ACACA: variants seen among roughly 807,000 people sequenced by gnomAD.
ACACA encodes the protein acetyl-CoA carboxylase alpha.
Under a neutral mutation model 296.1 loss-of-function variants are expected in ACACA, and 103 were observed. The ratio of observed to expected loss-of-function variants is 0.35; its 90% confidence interval spans 0.30 to 0.41. The LOEUF (loss-of-function observed/expected upper bound fraction) is 0.41. Among genes scored for constraint, ACACA ranks in the 10% least tolerant of loss-of-function variants. The pLI is 1.00. For synonymous variants in ACACA, 953 were observed against 1,038.6 expected (o/e 0.92, Z 1.58); for missense variants, 1,554 against 2,989.7 (o/e 0.52, Z 11.20).
intron 3 of ACACA, among the ~76,000 whole-genome samples, chr17:37,297,663 G>T (rs188455065): frequency 6.6e-6 from 1 of 151,652 alleles, no homozygotes; most frequent in Admixed American, 6.6e-5. Context: ...CAATTCTCCT[G>T]CCTTGGCCTC....
chr17:37,241,194 C>G (rs977576424), intron 23 of ACACA, among the ~76,000 whole-genome samples: 17 of 149,284 alleles, frequency 1.1e-4, no homozygotes, highest in African/African-American at 4.0e-4. Flanking sequence ...GACCCTGTCT[C>G]CAAAAAAAAT....
At chr17:37,291,093 A>G (rs569791013) in intron 3 of ACACA, among the ~76,000 whole-genome samples, 1 of 151,064 alleles carries the variant, frequency 6.6e-6, no homozygotes, top group Non-Finnish European at 1.5e-5. Context: ...AAAAAAAAAA[A>G]AAAAGAAAAA....
Position 37,097,620 on chromosome 17 carries a change from G to A in ACACA, c.6720+210C>T, listed in dbSNP as rs2142725903. 6.6e-6 allele frequency among the ~76,000 whole-genome samples: 1 copy of A among 152,316 alleles called. No homozygotes were observed. Among genetic ancestry groups the A allele is most frequent in the South Asian group, 2.1e-4 (1 of 4,822 alleles). On this transcript the variant is annotated intron_variant, in intron 53 of 55. Transcript: ENST00000616317. The surrounding 1 kb of genome is among the most constrained non-coding windows in gnomAD (Gnocchi z 4.8). The stretch of plus-strand genomic sequence containing the variant: ...AGTAAAATGCAGCTTGCCTCCTGAG[G>A]AATTAATGGAAACCTAAATTATACA...
intron 44 of ACACA, among the ~76,000 whole-genome samples, chr17:37,150,794 C>T (rs548376934): frequency 2.6e-5 from 4 of 151,956 alleles, no homozygotes; most frequent in African/African-American, 4.8e-5. Context: ...TAGCTCATGC[C>T]GGTAATCCCA....
intron 29 of ACACA, among the ~76,000 whole-genome samples, chr17:37,216,153 CACACAA>C (rs1199614516): frequency 5.6e-4 from 75 of 135,076 alleles, no homozygotes; most frequent in South Asian, 2.3e-3. Context: ...CACACACACA[CACACAA>C]CATACACATG....
At position 37,289,510 on chromosome 17, in the gene ACACA, C is replaced by T. The variant is rs1235585058; in HGVS notation, c.339-4540G>A. On this transcript the variant is annotated intron_variant, in intron 3 of 55. Transcript: ENST00000616317. ...CCCTCTAGGCACCTCCACTTCATATCCCACGAGTATTTCAAAGTCTGAGGA... is the reference window on the plus strand; with the variant it reads ...CCCTCTAGGCACCTCCACTTCATATTCCACGAGTATTTCAAAGTCTGAGGA... The T allele has an allele frequency of 4.4e-6, 6 of 1,351,478 alleles. No individual in the cohort carries two copies. In the South Asian group the frequency reaches 5.7e-5, roughly 13 times the overall value. 83.7% of individuals were successfully genotyped at this position (1,351,478 alleles called of 1,614,324 possible).
intron 1 of ACACA, among the ~76,000 whole-genome samples, chr17:37,360,630 A>C (rs1044153152): frequency 1.7e-4 from 26 of 152,182 alleles, no homozygotes; most frequent in African/African-American, 5.3e-4. Flanking sequence ...GCGCCTGTGA[A>C]TAGCCACTGC....
intron 1 of ACACA, among the ~76,000 whole-genome samples, chr17:37,353,534 G>A (rs1384005180): frequency 6.7e-6 from 1 of 148,372 alleles, no homozygotes; most frequent in Non-Finnish European, 1.5e-5. Context: ...AGCTAATCAG[G>A]AGGCTGAGGC....
At chr17:37,141,261 C>A in intron 45 of ACACA, 1 of 581,416 alleles carries the variant, frequency 1.7e-6, no homozygotes, top group Non-Finnish European at 3.2e-6. Flanking sequence ...ACTTGATCTT[C>A]ATGTCCTTGA....
At chr17:37,167,991 T>A (rs917474750) in intron 41 of ACACA, among the ~76,000 whole-genome samples, 1 of 152,216 alleles carries the variant, frequency 6.6e-6, no homozygotes, top group African/African-American at 2.4e-5. Flanking sequence ...GATGTAATAC[T>A]AAATTAGAAA....
At chr17:37,403,667 C>T (rs572705372) in intron 1 of ACACA, among the ~76,000 whole-genome samples, 18 of 152,208 alleles carry the variant, frequency 1.2e-4, no homozygotes, top group South Asian at 6.2e-4. Flanking sequence ...TGTGAGGCAC[C>T]GTGTCCTGCC....
At chr17:37,226,267 G>C (rs1202639707) in intron 26 of ACACA, 72 bp downstream of exon 26, 1 of 1,161,158 alleles carries the variant, frequency 8.6e-7, no homozygotes, top group Non-Finnish European at 1.3e-6. Context: ...TTAAGCAAAA[G>C]TTCATTGTGT....
chr17:37,234,816 G>C (rs1484190148), intron 25 of ACACA, among the ~76,000 whole-genome samples, 159 bp downstream of exon 25: 1 of 152,138 alleles, frequency 6.6e-6, no homozygotes, highest in Admixed American at 6.5e-5. Context: ...CAAGGACAAA[G>C]GTAGATGTGA....
At position 37,220,790 on chromosome 17, in the gene ACACA, C is replaced by A. The variant is rs1243934053; in HGVS notation, c.3683+934G>T. Among the ~76,000 whole-genome samples the A allele has an allele frequency of 3.3e-5, 5 of 152,238 alleles. No homozygotes were observed. The East Asian group carries it at 9.7e-4, about 29-fold the overall frequency. Reference sequence around the variant, plus strand: ...GTCTCAGCACAGACTTCTTTGTCTCCAGAAAGGGTTTCTATTGCTTTGGGT... The same window carrying A: ...GTCTCAGCACAGACTTCTTTGTCTCAAGAAAGGGTTTCTATTGCTTTGGGT... On this transcript the variant is annotated intron_variant, in intron 29 of 55. Coordinates refer to ENST00000616317, the MANE Select transcript of ACACA (RefSeq NM_198834.3).
In ACACA at chr17:37,225,177, G is replaced by C. The variant is rs554989028; in HGVS notation, c.3361-72C>G. On this transcript the variant is annotated intron_variant, in intron 26 of 55. Transcript: ENST00000616317. ...TTCTAGACTCCTATTAGGCAGCTCT[G>C]ATACAAAAGCAATAAATATAAATCT... 29 of 887,156 alleles carry C rather than the reference G, an allele frequency of 3.3e-5. No individual in the cohort carries two copies. In the South Asian group the frequency reaches 3.7e-4, roughly 11 times the overall value. 55.0% of individuals were successfully genotyped at this position (887,156 alleles called of 1,614,324 possible).
intron 52 of ACACA, among the ~76,000 whole-genome samples, chr17:37,109,699 TA>T (rs2073878598): frequency 6.6e-6 from 1 of 152,212 alleles, no homozygotes; most frequent in Non-Finnish European, 1.5e-5. Flanking sequence ...CTTCAAAAGT[TA>T]AAAGGTGCTG....
intron 41 of ACACA, among the ~76,000 whole-genome samples, chr17:37,170,550 G>A (rs1209797912): frequency 6.6e-6 from 1 of 152,106 alleles, no homozygotes; most frequent in Non-Finnish European, 1.5e-5. Flanking sequence ...ACAGTGATTA[G>A]GATTCTGCCC....
At chr17:37,240,434 T>C (rs375259639) in intron 24 of ACACA, 42 bp downstream of exon 24, 39 of 1,585,272 alleles carry the variant, frequency 2.5e-5, no homozygotes, top group African/African-American at 1.5e-4. Context: ...GTTATCAGAA[T>C]CAAGGCTTTC....
rs888236796 is a variant in ACACA, at chr17:37,097,364, G to A, written c.6721-198C>T. ...CACATGCCCTGCTGTCTGCAGCACT[G>A]TGCACAGCCATGGGCCTGGCTAATG... is the stretch of plus-strand genomic sequence containing the variant. On this transcript the variant is annotated intron_variant, in intron 53 of 55. Transcript: ENST00000616317. This position sits in a 1 kb window ranked among gnomAD's most constrained non-coding sequence, Gnocchi z 4.8. Among the ~76,000 whole-genome samples, 5 of 152,196 alleles carry A rather than the reference G, an allele frequency of 3.3e-5. No homozygotes were observed. The highest frequency in any genetic ancestry group is 1.2e-4 in the African/African-American group (5 of 41,448).
Sources: allele counts gnomAD v4.1 joint callset (sites outside exome capture counted in the v4.1 genomes callset), GRCh38; gene constraint gnomAD v4.1.1; non-coding constraint Gnocchi (gnomAD v3.1); transcripts MANE v1.5; gene names NCBI Gene and HGNC (gene_info 2026-07-23, HGNC 2026-07-21).